Variants in BNC2 observed in about 807,000 individuals in gnomAD.
BNC2 encodes basonuclin zinc finger protein 2.
Under a neutral mutation model 76.3 loss-of-function variants are expected in BNC2, and 20 were observed. The observed-to-expected ratio is 0.26, with a 90% CI of 0.18 to 0.38. The LOEUF is 0.38. Ranked by LOEUF, BNC2 falls within the 10% of genes least tolerant of loss-of-function variation. BNC2 has a pLI of 1.00. For missense variants in BNC2, 1,382 were observed against 1,399.8 expected, an observed-to-expected ratio of 0.99 and a Z score of 0.20; for synonymous variants, 582 against 514.8, an observed-to-expected ratio of 1.13 and a Z score of -1.77.
chr9:16,827,795 G>A (rs1818488210), intron 1 of BNC2, among the ~76,000 whole-genome samples: 1 of 152,092 alleles, frequency 6.6e-6, no homozygotes, highest in African/African-American at 2.4e-5. Context: ...TTACAGTACA[G>A]GAATACAAAA....
chr9:16,554,994 C>G (rs972427956), intron 4 of BNC2, among the ~76,000 whole-genome samples: 2 of 152,110 alleles, frequency 1.3e-5, no homozygotes, highest in African/African-American at 4.8e-5. Context: ...CTCTCCCTCC[C>G]ACTCATTAAA....
At chr9:16,750,879 T>C (rs984288628) in intron 1 of BNC2, among the ~76,000 whole-genome samples, 16 of 152,212 alleles carry the variant, frequency 1.1e-4, no homozygotes, top group Non-Finnish European at 2.4e-4. Flanking sequence ...AAATGAATGA[T>C]TACAGTAACA....
At chr9:16,561,105 G>C (rs1443911618) in intron 4 of BNC2, among the ~76,000 whole-genome samples, 1 of 152,090 alleles carries the variant, frequency 6.6e-6, no homozygotes, top group East Asian at 1.9e-4. Context: ...CAGGCATGGT[G>C]GTGGGCACCT....
chr9:16,603,128 G>T (rs1820289337), intron 3 of BNC2, among the ~76,000 whole-genome samples: 1 of 152,122 alleles, frequency 6.6e-6, no homozygotes, highest in African/African-American at 2.4e-5. Flanking sequence ...AATAGATTAG[G>T]TTAAATCTAT....
At chr9:16,704,068 G>C in intron 3 of BNC2, among the ~76,000 whole-genome samples, 1 of 152,108 alleles carries the variant, frequency 6.6e-6, no homozygotes, top group East Asian at 1.9e-4. Context: ...GTCATCTTAG[G>C]ATAATACATA....
At chr9:16,644,914 A>G (rs1821583422) in intron 3 of BNC2, among the ~76,000 whole-genome samples, 1 of 152,202 alleles carries the variant, frequency 6.6e-6, no homozygotes, top group South Asian at 2.1e-4. Flanking sequence ...GAAAGAAACT[A>G]GAAACTGTTC....
intron 3 of BNC2, among the ~76,000 whole-genome samples, chr9:16,687,433 G>T (rs1823012115): frequency 6.6e-6 from 1 of 152,104 alleles, no homozygotes; most frequent in Non-Finnish European, 1.5e-5. Context: ...AAGAGCGGGG[G>T]CACTGTGCAT....
At chr9:16,488,181 C>T (rs1013865570) in intron 5 of BNC2, among the ~76,000 whole-genome samples, 5 of 152,138 alleles carry the variant, frequency 3.3e-5, no homozygotes, top group African/African-American at 1.2e-4. Flanking sequence ...TTAACAATGG[C>T]CTTTTTCTTG....
chr9:16,512,142 T>C (rs1822771938), intron 5 of BNC2, among the ~76,000 whole-genome samples: 1 of 152,180 alleles, frequency 6.6e-6, no homozygotes, highest in Non-Finnish European at 1.5e-5. Flanking sequence ...ATTACCCTCC[T>C]CAATATTAAT....
At chr9:16,464,675 G>T (rs1465119698) in intron 5 of BNC2, among the ~76,000 whole-genome samples, 1 of 152,050 alleles carries the variant, frequency 6.6e-6, no homozygotes, top group Non-Finnish European at 1.5e-5. Context: ...TCATGCCTCA[G>T]CCTCCATAGT....
At chr9:16,846,460 G>A (rs958319715) in intron 1 of BNC2, among the ~76,000 whole-genome samples, 4 of 152,132 alleles carry the variant, frequency 2.6e-5, no homozygotes, top group Non-Finnish European at 4.4e-5. Flanking sequence ...GACTAGAATC[G>A]TGTAAGTCCA....
At chr9:16,490,988 C>G (rs1386428657) in intron 5 of BNC2, among the ~76,000 whole-genome samples, 1 of 152,050 alleles carries the variant, frequency 6.6e-6, no homozygotes. Flanking sequence ...ATCCTACAGA[C>G]CACATGGCTC....
intron 1 of BNC2, among the ~76,000 whole-genome samples, chr9:16,835,437 G>A (rs2136052482): frequency 6.6e-6 from 1 of 152,282 alleles, no homozygotes; most frequent in African/African-American, 2.4e-5. Context: ...GGTGGCTCAT[G>A]CCTGTAATCC....
intron 2 of BNC2, chr9:16,728,213 C>G (rs1193643265): frequency 1.6e-6 from 1 of 622,220 alleles, no homozygotes; most frequent in African/African-American, 1.8e-5. Context: ...AGTTTAACAG[C>G]TGCCTGTCAG....
intron 1 of BNC2, among the ~76,000 whole-genome samples, chr9:16,844,143 A>C (rs1373933473): frequency 7.0e-6 from 1 of 143,202 alleles, no homozygotes; most frequent in Non-Finnish European, 1.6e-5. Context: ...ATTTCTCATA[A>C]GTTTTTTTTT....
At chr9:16,710,875 T>C (rs570341835) in intron 3 of BNC2, among the ~76,000 whole-genome samples, 13 of 152,174 alleles carry the variant, frequency 8.5e-5, no homozygotes, top group Non-Finnish European at 1.9e-4. Context: ...AGGACCCACA[T>C]TACTACTGGG....
intron 3 of BNC2, among the ~76,000 whole-genome samples, chr9:16,588,619 AAAG>A (rs752561032): frequency 6.6e-6 from 1 of 152,248 alleles, no homozygotes; most frequent in African/African-American, 2.4e-5. Context: ...TAAAATATAC[AAAG>A]AAGAATAATT....
intron 5 of BNC2, among the ~76,000 whole-genome samples, chr9:16,531,770 A>G (rs1457595732): frequency 6.6e-6 from 1 of 152,174 alleles, no homozygotes; most frequent in African/African-American, 2.4e-5. Context: ...TTGTCAACCC[A>G]TCTAAATGAA....
At chr9:16,753,865 C>G (rs1286199609) in intron 1 of BNC2, among the ~76,000 whole-genome samples, 1 of 18,302 alleles carries the variant, frequency 5.5e-5, no homozygotes, top group Non-Finnish European at 9.3e-5. Flanking sequence ...TGGGTAGTTA[C>G]AGTAATCCAT....
Sources: gnomAD v4.1 joint callset for allele counts (sites outside exome capture counted in the v4.1 genomes callset) on GRCh38, gnomAD v4.1.1 for gene constraint, MANE v1.5 for transcripts, NCBI Gene and HGNC (gene_info 2026-07-23, HGNC 2026-07-21) for gene names.